SEMA6D: variants seen among roughly 807,000 people sequenced by gnomAD.
SEMA6D encodes semaphorin-6D.
Under a neutral mutation model 106.6 loss-of-function variants are expected in SEMA6D, and 35 were observed. That is an observed-to-expected ratio of 0.33 (90% confidence interval 0.25 to 0.44). SEMA6D has a LOEUF of 0.44. Among genes scored for constraint, SEMA6D ranks in the 20% least tolerant of loss-of-function variants. The pLI, the probability that SEMA6D is intolerant of heterozygous loss-of-function variation, is 1.00. For missense variants in SEMA6D, 1,185 were observed against 1,345.9 expected (o/e 0.88, Z 1.87); for synonymous variants, 499 against 487.7 (o/e 1.02, Z -0.31).
intron 1 of SEMA6D, among the ~76,000 whole-genome samples, chr15:47,328,238 A>G (rs2037208775): frequency 6.6e-6 from 1 of 152,214 alleles, no homozygotes; most frequent in Non-Finnish European, 1.5e-5. Context: ...TAGGATAATC[A>G]TGTAGCTAGC....
chr15:47,475,534 T>A (rs1326083140), intron 3 of SEMA6D, among the ~76,000 whole-genome samples: 1 of 152,172 alleles, frequency 6.6e-6, no homozygotes, highest in Non-Finnish European at 1.5e-5. Flanking sequence ...CCCCATACAC[T>A]CAATCCTTAT....
chr15:47,743,439 T>A (rs1166003813), intron 1 of SEMA6D, among the ~76,000 whole-genome samples: 1 of 152,112 alleles, frequency 6.6e-6, no homozygotes, highest in African/African-American at 2.4e-5. Flanking sequence ...CAACAAGAAC[T>A]ATTAAAACCC....
intron 3 of SEMA6D, among the ~76,000 whole-genome samples, chr15:47,487,687 A>G (rs1434710702): frequency 2.0e-5 from 3 of 152,022 alleles, no homozygotes; most frequent in Non-Finnish European, 4.4e-5. Flanking sequence ...CACTCTACCT[A>G]ATTCTCTCCC....
At chr15:47,493,516 C>G (rs1041713240) in intron 3 of SEMA6D, among the ~76,000 whole-genome samples, 8 of 152,110 alleles carry the variant, frequency 5.3e-5, no homozygotes, top group African/African-American at 1.9e-4. Flanking sequence ...AGCCACAACC[C>G]AGCATTCACA....
At chr15:47,373,848 A>G (rs984906420) in intron 1 of SEMA6D, among the ~76,000 whole-genome samples, 5 of 152,282 alleles carry the variant, frequency 3.3e-5, no homozygotes, top group East Asian at 1.9e-4. Context: ...TGAACAAACA[A>G]TCTAAATGGA....
At chr15:47,440,699 C>A (rs1440751226) in intron 2 of SEMA6D, among the ~76,000 whole-genome samples, 2 of 151,216 alleles carry the variant, frequency 1.3e-5, no homozygotes, top group Non-Finnish European at 2.9e-5. Context: ...ATAGAAGCGA[C>A]TGAATTCAGG....
At chr15:47,716,512 A>C (rs570585660), upstream of SEMA6D, among the ~76,000 whole-genome samples, 115 of 152,232 alleles carry the variant, frequency 7.6e-4, no homozygotes, top group African/African-American at 2.6e-3. Flanking sequence ...TGGCGGAAAA[A>C]GCTCTCTTCT....
chr15:47,215,652 T>C (rs1480226208), intron 1 of SEMA6D, among the ~76,000 whole-genome samples: 2 of 152,150 alleles, frequency 1.3e-5, no homozygotes, highest in African/African-American at 4.8e-5. Flanking sequence ...GATGCATATA[T>C]ATGTATATAA....
chr15:47,709,617 A>T (rs1156573721), intron 4 of SEMA6D, among the ~76,000 whole-genome samples: 1 of 152,096 alleles, frequency 6.6e-6, no homozygotes, highest in Non-Finnish European at 1.5e-5. Flanking sequence ...TATGCTGGGG[A>T]TATATCCTTG....
chr15:47,469,967 TCA>T (rs1310939254), intron 2 of SEMA6D, among the ~76,000 whole-genome samples: 9 of 152,052 alleles, frequency 5.9e-5, no homozygotes, highest in African/African-American at 1.9e-4. Context: ...AACTTGCTCC[TCA>T]CAGTGTCCTG....
intron 4 of SEMA6D, among the ~76,000 whole-genome samples, chr15:47,670,712 C>T (rs1315141950): frequency 6.6e-6 from 1 of 152,184 alleles, no homozygotes; most frequent in Non-Finnish European, 1.5e-5. Flanking sequence ...TATAAATCCT[C>T]TCACCTCCCT....
chr15:47,567,944 G>A (rs992683040), intron 3 of SEMA6D, among the ~76,000 whole-genome samples: 1 of 152,008 alleles, frequency 6.6e-6, no homozygotes, highest in African/African-American at 2.4e-5. Flanking sequence ...AAACCCACAT[G>A]GCCAATAAAC....
At chr15:47,211,543 A>G (rs2030015837) in intron 1 of SEMA6D, among the ~76,000 whole-genome samples, 1 of 152,176 alleles carries the variant, frequency 6.6e-6, no homozygotes, top group Admixed American at 6.5e-5. Context: ...GTTTTTTGAA[A>G]TGTCTGTAGC....
At chr15:47,199,794 ATG>A (rs200661267) in intron 1 of SEMA6D, among the ~76,000 whole-genome samples, 1,630 of 151,896 alleles carry the variant, frequency 0.011, 41 homozygotes, top group Admixed American at 0.011. Flanking sequence ...TTTTGTGTAT[ATG>A]TGTGTGTGTG....
intron 1 of SEMA6D, among the ~76,000 whole-genome samples, chr15:47,739,651 G>C (rs1397160500): frequency 6.6e-6 from 1 of 152,192 alleles, no homozygotes; most frequent in Non-Finnish European, 1.5e-5. Flanking sequence ...CCTGATTGCT[G>C]AGTGGTTGAT....
At chr15:47,253,455 T>C (rs1039811921) in intron 1 of SEMA6D, among the ~76,000 whole-genome samples, 16 of 152,180 alleles carry the variant, frequency 1.1e-4, no homozygotes, top group Admixed American at 9.2e-4. Context: ...ATGAAGCGTT[T>C]CCCAAGTGTT....
chr15:47,464,963 A>G (rs761765844), intron 2 of SEMA6D, among the ~76,000 whole-genome samples: 3 of 152,142 alleles, frequency 2.0e-5, no homozygotes, highest in Non-Finnish European at 4.4e-5. Context: ...CAAGTTTGCC[A>G]TATATGTATG....
rs963416151 is a variant in SEMA6D at position 47,479,146 on chromosome 15, A to G, written c.-87+8601A>G. ...ATCCAAAGTGTAAACCACATTCTTC[A>G]TCCTTGCTTGGTCTTGGTCAACAGT... is the stretch of plus-strand genomic sequence containing the variant. On this transcript the variant is annotated intron_variant, in intron 3 of 19. Coordinates refer to the SEMA6D transcript ENST00000558014. Among the ~76,000 whole-genome samples, 11 of 152,224 alleles carry G rather than the reference A, an allele frequency of 7.2e-5. No homozygotes were observed. In the East Asian group the frequency reaches 2.1e-3, roughly 29 times the overall value.
chr15:47,646,702 G>T (rs2077588373), intron 4 of SEMA6D, among the ~76,000 whole-genome samples: 1 of 152,170 alleles, frequency 6.6e-6, no homozygotes, highest in Non-Finnish European at 1.5e-5. Context: ...AGCAGCCAGG[G>T]AGTTCAACTT....
Sources: gnomAD v4.1 joint callset for allele counts (sites outside exome capture counted in the v4.1 genomes callset) on GRCh38, gnomAD v4.1.1 for gene constraint, MANE v1.5 for transcripts, NCBI Gene and HGNC (gene_info 2026-07-23, HGNC 2026-07-21) for gene names.